BNC2: variants seen among roughly 807,000 people sequenced by gnomAD.
The protein encoded by BNC2 is zinc finger protein basonuclin-2.
In BNC2, 20 loss-of-function variants were observed where a neutral mutation model predicts 76.3. The observed-to-expected ratio is 0.26, with a 90% CI of 0.18 to 0.38. The LOEUF is 0.38. Among genes scored for constraint, BNC2 ranks in the 10% least tolerant of loss-of-function variants. BNC2 has a pLI of 1.00. For synonymous variants in BNC2, 582 were observed against 514.8 expected (o/e 1.13, Z -1.77); for missense variants, 1,382 against 1,399.8 (o/e 0.99, Z 0.20).
chr9:16,464,452 G>A lies in BNC2; in HGVS notation c.670-26928C>T, dbSNP rs1821661049. Reference sequence around the variant, plus strand: ...AAGAAACTTCAGCTGAGGTCATTCAGGATCCGAAGCACAAAAGAGACACAA... The same window carrying A: ...AAGAAACTTCAGCTGAGGTCATTCAAGATCCGAAGCACAAAAGAGACACAA... On this transcript the variant is annotated intron_variant, in intron 5 of 6. Transcript: ENST00000380672. Among the ~76,000 whole-genome samples the A allele has an allele frequency of 2.6e-5, 4 of 152,132 alleles. No homozygotes were observed. The South Asian group carries it at 6.2e-4, about 24-fold the overall frequency.
intron 5 of BNC2, among the ~76,000 whole-genome samples, chr9:16,474,932 A>G (rs951998355): frequency 1.3e-5 from 2 of 152,190 alleles, no homozygotes; most frequent in African/African-American, 2.4e-5. Context: ...AAGAACTTCA[A>G]TCAGACTTCT....
At chr9:16,794,016 T>C (rs1426347113) in intron 1 of BNC2, among the ~76,000 whole-genome samples, 1 of 152,012 alleles carries the variant, frequency 6.6e-6, no homozygotes, top group East Asian at 1.9e-4. Context: ...CTTTCACATC[T>C]TGAAACAGAA....
At chr9:16,706,661 T>C (rs1292563545) in intron 3 of BNC2, among the ~76,000 whole-genome samples, 5 of 152,202 alleles carry the variant, frequency 3.3e-5, no homozygotes, top group African/African-American at 1.2e-4. Flanking sequence ...AAAAGACTTT[T>C]TTCTTTTTCT....
chr9:16,862,717 AG>A (rs1490973676), intron 1 of BNC2, among the ~76,000 whole-genome samples: 1 of 152,130 alleles, frequency 6.6e-6, no homozygotes, highest in African/African-American at 2.4e-5. Flanking sequence ...TTTCATTGCC[AG>A]GGGAAGAGTT....
chr9:16,706,157 C>T (rs910104490), intron 3 of BNC2, among the ~76,000 whole-genome samples: 2 of 152,278 alleles, frequency 1.3e-5, no homozygotes, highest in Admixed American at 1.3e-4. Flanking sequence ...CTAATTTTTG[C>T]AAGTTAACAG....
At chr9:16,484,625 T>A (rs147465814) in intron 5 of BNC2, among the ~76,000 whole-genome samples, 1 of 152,206 alleles carries the variant, frequency 6.6e-6, no homozygotes, top group Admixed American at 6.5e-5. Context: ...TGCAAGTGGT[T>A]CTAATTTTCC....
At chr9:16,419,676 T>C (rs1820671351) in intron 6 of BNC2, 27 bp from the exon 7 acceptor site, 7 of 424,632 alleles carry the variant, frequency 1.6e-5, no homozygotes, top group Non-Finnish European at 3.1e-5. Flanking sequence ...GAAGGGGGGG[T>C]ACGTGGATGG....
chr9:16,725,852 T>C (rs953637177), intron 3 of BNC2, among the ~76,000 whole-genome samples: 2 of 152,224 alleles, frequency 1.3e-5, no homozygotes, highest in Non-Finnish European at 2.9e-5. Context: ...TACTTGGAAA[T>C]GGGCTAGTGC....
chr9:16,434,009 CT>C (rs968362596), intron 6 of BNC2, among the ~76,000 whole-genome samples: 3 of 152,012 alleles, frequency 2.0e-5, no homozygotes, highest in Non-Finnish European at 2.9e-5. Flanking sequence ...ATATAGCTAT[CT>C]TATCTGATGC....
chr9:16,813,898 T>C (rs1202482833), intron 1 of BNC2, among the ~76,000 whole-genome samples: 1 of 152,198 alleles, frequency 6.6e-6, no homozygotes, highest in Non-Finnish European at 1.5e-5. Context: ...ATGGTTTTCA[T>C]GACATTCTCA....
intron 4 of BNC2, among the ~76,000 whole-genome samples, chr9:16,568,414 G>A (rs1403250185): frequency 2.0e-5 from 3 of 151,996 alleles, no homozygotes; most frequent in African/African-American, 7.2e-5. Flanking sequence ...TATGAGGGTG[G>A]TGGCTCTTCA....
At chr9:16,855,132 G>GGT (rs1403801434) in intron 1 of BNC2, among the ~76,000 whole-genome samples, 7 of 150,200 alleles carry the variant, frequency 4.7e-5, no homozygotes, top group South Asian at 2.2e-4. Context: ...ATGTTCACAT[G>GGT]GCGTGTGTGT....
rs529922921 is a variant in BNC2, at chr9:16,766,077, G to A, written c.4-27592C>T. Among the ~76,000 whole-genome samples the A allele has an allele frequency of 7.2e-4, 109 of 152,258 alleles. No homozygotes were observed. In the South Asian group the frequency reaches 0.019, roughly 26 times the overall value. On this transcript the variant is annotated intron_variant, in intron 1 of 6. Transcript: ENST00000380672. ...GCTGGGATTACAGGCGTGAGCCACC[G>A]CGCCCGGCACTCATAATTTCTTAAG...
Position 16,411,190 on chromosome 9 carries a change from A to G in BNC2, c.*7799T>C, listed in dbSNP as rs140898981. On this transcript the variant is annotated 3_prime_UTR_variant, in exon 7 of 7. Transcript: ENST00000380672. ...AGTCACCTCTCAATCCTTGCATTCC[A>G]TGACAGAAGTGGGCAGAGCCAGTTA... 6.6e-6 allele frequency: 1 copy of G among 152,652 alleles called. No individual in the cohort carries two copies. Among genetic ancestry groups the G allele is most frequent in the Non-Finnish European group, 1.5e-5 (1 of 68,038 alleles). The allele number at this position is 152,652 out of a possible 1,614,324, so 9.5% of individuals were successfully genotyped here.
At chr9:16,747,210 C>A (rs187724255) in intron 1 of BNC2, among the ~76,000 whole-genome samples, 14 of 152,122 alleles carry the variant, frequency 9.2e-5, no homozygotes, top group Admixed American at 9.2e-4. Flanking sequence ...GTCCTTGTAC[C>A]CGCTTCTAGA....
In BNC2 at chr9:16,523,304, T is replaced by C. The variant is rs932039060; in HGVS notation, c.669+29226A>G. ...GGCTAACACGATGAAACCCTGTCTC[T>C]ACTAAAAACACAAAAAATTAGCCGG... On this transcript the variant is annotated intron_variant, in intron 5 of 6. Coordinates refer to ENST00000380672, the MANE Select transcript of BNC2 (RefSeq NM_017637.6). Among the ~76,000 whole-genome samples the C allele has an allele frequency of 5.3e-5, 8 of 151,876 alleles. No individual in the cohort carries two copies. The South Asian group carries it at 1.7e-3, about 32-fold the overall frequency.
intron 5 of BNC2, among the ~76,000 whole-genome samples, chr9:16,523,616 G>T (rs1368023729): frequency 6.6e-6 from 1 of 151,598 alleles, no homozygotes; most frequent in Non-Finnish European, 1.5e-5. Context: ...TCTGGAAAAA[G>T]AATACAAAAA....
intron 1 of BNC2, among the ~76,000 whole-genome samples, chr9:16,842,610 T>G (rs1213236519): frequency 6.6e-6 from 1 of 152,218 alleles, no homozygotes; most frequent in African/African-American, 2.4e-5. Context: ...ACTATACACT[T>G]GAAAATGGTG....
At chr9:16,595,702 T>A (rs1820047094) in intron 3 of BNC2, among the ~76,000 whole-genome samples, 1 of 152,108 alleles carries the variant, frequency 6.6e-6, no homozygotes, top group African/African-American at 2.4e-5. Flanking sequence ...GAAAAAAAAT[T>A]ATTCTCTTTT....
Sources: gnomAD v4.1 joint callset for allele counts (sites outside exome capture counted in the v4.1 genomes callset) on GRCh38, gnomAD v4.1.1 for gene constraint, MANE v1.5 for transcripts, NCBI Gene and HGNC (gene_info 2026-07-23, HGNC 2026-07-21) for gene names.